HNRNPA2B1: variants seen among roughly 807,000 people sequenced by gnomAD.
The protein encoded by HNRNPA2B1 is heterogeneous nuclear ribonucleoproteins A2/B1.
HNRNPA2B1 carries 3 observed loss-of-function variants against 46.3 expected under a neutral mutation model. That is an observed-to-expected ratio of 0.06 (90% CI 0.03 to 0.17). HNRNPA2B1 has a LOEUF of 0.17. Ranked by LOEUF, HNRNPA2B1 falls within the 10% of genes least tolerant of loss-of-function variation. HNRNPA2B1 has a pLI of 1.00. For missense variants in HNRNPA2B1, 221 were observed against 418.9 expected, an observed-to-expected ratio of 0.53 and a Z score of 4.12; for synonymous variants, 225 against 133.8, an observed-to-expected ratio of 1.68 and a Z score of -4.70.
chr7:26,197,228 G>T, intron 3 of HNRNPA2B1, 87 bp downstream of exon 3: 4 of 1,452,290 alleles, frequency 2.8e-6, no homozygotes, highest in Middle Eastern at 1.8e-4. Context: ...AAAATCTTGA[G>T]TTAAAACTAA....
At chr7:26,193,412 T>G in intron 8 of HNRNPA2B1, 39 bp from the exon 9 acceptor site, 1 of 1,592,808 alleles carries the variant, frequency 6.3e-7, no homozygotes, top group Non-Finnish European at 8.6e-7. Flanking sequence ...ATACAAACAT[T>G]AAACCAAGGA....
intron 9 of HNRNPA2B1, among the ~76,000 whole-genome samples, chr7:26,193,027 A>G (rs1213451729): frequency 6.6e-6 from 1 of 152,162 alleles, no homozygotes; most frequent in African/African-American, 2.4e-5. Flanking sequence ...AAATTAAACT[A>G]CTGAACACCC....
rs112549930 is a variant in HNRNPA2B1, at chr7:26,196,597, T to C, written c.537A>G (p.Gln179=). The C allele has an allele frequency of 1.2e-6, 2 of 1,614,050 alleles. No individual in the cohort carries two copies. Among genetic ancestry groups the C allele is most frequent in the Admixed American group, 1.7e-5 (1 of 60,006 alleles). The change falls in exon 5 of 11, where the codon CAA becomes CAG. Residue 179 remains glutamine, a synonymous_variant. Transcript: ENST00000618183. ...TAGAACTCTGAACTTCCTGCATTTC[T>C]TGTCTAGACAAAGCCTTTCTTACTT... ...NAEVRKALSR[Q]EMQEVQSSRS...
In HNRNPA2B1 at chr7:26,193,627, T is replaced by G. The variant is rs1391762147; in HGVS notation, c.789A>C (p.Gly263=). The change falls in exon 8 of 11, where the codon GGA becomes GGC. Residue 263 remains glycine (G), a synonymous_variant. Transcript: ENST00000618183. The stretch of plus-strand genomic sequence containing the variant: ...CGTAGCCCCCACCCTGGTTGCCATA[T>G]CCAGGTCCTCCACCACCATATCCTC... The part of the protein sequence containing the change: ...GRGGYGGGGP[G]YGNQGGGYGG... 3.1e-6 allele frequency: 5 copies of G among 1,611,906 alleles called. No homozygotes were observed. Among genetic ancestry groups the G allele is most frequent in the Non-Finnish European group, 4.2e-6 (5 of 1,179,108 alleles).
intron 7 of HNRNPA2B1, among the ~76,000 whole-genome samples, 154 bp from the exon 8 acceptor site, chr7:26,193,848 G>T (rs189453698): frequency 1.3e-5 from 2 of 152,210 alleles, no homozygotes; most frequent in East Asian, 3.9e-4. Context: ...ACTATCCTTG[G>T]TAAACATTTG....
Position 26,196,796 on chromosome 7 carries a change from T to TA in HNRNPA2B1, c.475+10dup, listed in dbSNP as rs758632653. ...TGGAAAAAAACAGTACATTTGTGGT[T>TA]AGACACTTACATACGATTTTATCCA... On this transcript the variant is annotated intron_variant, in intron 4 of 10. Transcript: ENST00000618183. 1.2e-6 allele frequency: 2 copies of TA among 1,609,542 alleles called. No homozygotes were observed. Among genetic ancestry groups the TA allele is most frequent in the East Asian group, 2.2e-5 (1 of 44,852 alleles).
Position 26,194,838 on chromosome 7 carries a change from T to C in HNRNPA2B1, c.721+1009A>G, listed in dbSNP as rs184872037. On this transcript the variant is annotated intron_variant, in intron 7 of 10. Coordinates refer to ENST00000618183, the MANE Select transcript of HNRNPA2B1 (RefSeq NM_002137.4). ...GGCTGGGCATGGTTGCTCACGCCTG[T>C]AACCCCAGCGTTTTTGGGAGGCCAA... is the stretch of plus-strand genomic sequence containing the variant. Among the ~76,000 whole-genome samples the C allele has an allele frequency of 3.2e-3, 481 of 151,252 alleles. 2 individuals carry two copies. Among genetic ancestry groups the C allele is most frequent in the African/African-American group, 0.011 (447 of 41,224 alleles).
chr7:26,194,432 C>G (rs1783273757), intron 7 of HNRNPA2B1, among the ~76,000 whole-genome samples: 1 of 151,980 alleles, frequency 6.6e-6, no homozygotes, highest in South Asian at 2.1e-4. Context: ...GGCGCAGCAG[C>G]TCACACCTGT....
intron 1 of HNRNPA2B1, chr7:26,199,250 A>G (rs986574469): frequency 2.6e-5 from 4 of 152,612 alleles, no homozygotes; most frequent in Non-Finnish European, 5.9e-5. Context: ...TTATTTTATA[A>G]ACGTGCTTAG....
At chr7:26,194,313 G>A (rs751556018) in intron 7 of HNRNPA2B1, among the ~76,000 whole-genome samples, 6 of 151,760 alleles carry the variant, frequency 4.0e-5, no homozygotes, top group Non-Finnish European at 5.9e-5. Context: ...GGAGAATGGC[G>A]TGAACCCGGG....
At position 26,190,414 on chromosome 7, in the gene HNRNPA2B1, CTG is replaced by C. The variant is rs1193102545; in HGVS notation, c.*1944_*1945del. 2 of 152,616 alleles carry C rather than the reference CTG, an allele frequency of 1.3e-5. No individual in the cohort carries two copies. The highest frequency in any genetic ancestry group is 2.4e-5 in the African/African-American group (1 of 41,454). 9.5% of individuals were successfully genotyped at this position (152,616 alleles called of 1,614,324 possible). A position where few individuals can be genotyped will look rare whatever the true frequency, so the allele number is the denominator to read the frequency against. On this transcript the variant is annotated 3_prime_UTR_variant, in exon 11 of 11. Coordinates refer to ENST00000618183, the MANE Select transcript of HNRNPA2B1 (RefSeq NM_002137.4). ...CAGAATTTCTTATTTCTTGAAGACT[CTG>C]TGGTTGACCACTTCTTCATTAGTTA...
intron 1 of HNRNPA2B1, 28 bp downstream of exon 1, chr7:26,200,544 A>C (rs772797729): frequency 6.2e-7 from 1 of 1,612,320 alleles, no homozygotes; most frequent in Non-Finnish European, 8.5e-7. Flanking sequence ...TGCCCTTTTC[A>C]ATAACTCATT....
chr7:26,197,658 G>GTT lies in HNRNPA2B1; in HGVS notation c.79_80dup (p.Asn27LysfsTer15). The GTT allele has an allele frequency of 6.2e-7, 1 of 1,613,830 alleles. No individual in the cohort carries two copies. The highest frequency in any genetic ancestry group is 8.5e-7 in the Non-Finnish European group (1 of 1,179,810). On this transcript the variant is annotated frameshift_variant, in exon 2 of 11. Coordinates refer to ENST00000618183, the MANE Select transcript of HNRNPA2B1 (RefSeq NM_002137.4). LOFTEE classifies it high-confidence loss of function. ...TAAGCTTTCCCCATTGTTCGTAGTA[G>GTT]TTCCTCAAACTTTCTTCTGTGGTTT...
intron 1 of HNRNPA2B1, chr7:26,199,041 G>A (rs1289699769): frequency 1.3e-5 from 2 of 152,134 alleles, no homozygotes; most frequent in Non-Finnish European, 2.9e-5. Context: ...ATGGTTACTT[G>A]TCACGATAGT....
At chr7:26,197,552 T>C (rs753123741) in intron 2 of HNRNPA2B1, 70 bp downstream of exon 2, 19 of 1,558,834 alleles carry the variant, frequency 1.2e-5, no homozygotes, top group Non-Finnish European at 1.6e-5. Context: ...CTGATAGTTA[T>C]TTCCTCCATG....
chr7:26,195,826 A>C, intron 7 of HNRNPA2B1, 21 bp downstream of exon 7: 1 of 1,606,612 alleles, frequency 6.2e-7, no homozygotes, highest in Non-Finnish European at 8.5e-7. Flanking sequence ...TAAACAAACC[A>C]AAACGTAGAG....
intron 9 of HNRNPA2B1, 41 bp downstream of exon 9, chr7:26,193,210 T>TA (rs781321615): frequency 6.3e-7 from 1 of 1,591,456 alleles, no homozygotes; most frequent in Non-Finnish European, 8.6e-7. Flanking sequence ...GCTAATCCTT[T>TA]AATCACAAAA....
intron 1 of HNRNPA2B1, chr7:26,199,756 GAAAA>G (rs962911621): frequency 2.0e-5 from 3 of 151,696 alleles, no homozygotes; most frequent in African/African-American, 7.3e-5. Context: ...TTACTCAAAG[GAAAA>G]AAAAGACAGG....
intron 1 of HNRNPA2B1, 48 bp downstream of exon 1, chr7:26,200,524 G>A (rs372622465): frequency 8.7e-6 from 14 of 1,605,222 alleles, no homozygotes; most frequent in Non-Finnish European, 1.2e-5. Flanking sequence ...AGGCGCCAAC[G>A]GCCTCGCCAT....
Sources: allele counts gnomAD v4.1 joint callset (sites outside exome capture counted in the v4.1 genomes callset), GRCh38; gene constraint gnomAD v4.1.1; transcripts MANE v1.5; gene names NCBI Gene and HGNC (gene_info 2026-07-23, HGNC 2026-07-21).